Variants in TMED7 observed in about 807,000 individuals in gnomAD.
TMED7 encodes transmembrane p24 trafficking protein 7, also known as transmembrane emp24 domain-containing protein 7.
Under a neutral mutation model 23.4 loss-of-function variants are expected in TMED7, and 8 were observed. That is an observed-to-expected ratio of 0.34 (90% CI 0.20 to 0.62). The LOEUF (loss-of-function observed/expected upper bound fraction) is 0.62, where lower values mean the gene tolerates loss of function less well. TMED7 is among the 20% of genes least tolerant of loss of function. The pLI is 0.77. For synonymous variants in TMED7, 121 were observed against 108.5 expected (o/e 1.12, Z -0.72); for missense variants, 232 against 279.1 (o/e 0.83, Z 1.20).
At position 115,625,643 on chromosome 5, in the gene TMED7, G is replaced by C; in HGVS notation, c.150C>G (p.Tyr50Ter). 1 of 1,601,240 alleles carries C rather than the reference G, an allele frequency of 6.2e-7. No individual in the cohort carries two copies. Among genetic ancestry groups the C allele is most frequent in the Non-Finnish European group, 8.5e-7 (1 of 1,174,472 alleles). ...ELPDNAKQCF[Y>*]EDIAQGTKCT... ...ACTTGGTGCCCTGAGCGATGTCCTCGTAGAAGCACTGCTTGGCGTTGTCAG... is the reference window on the plus strand; with the variant it reads ...ACTTGGTGCCCTGAGCGATGTCCTCCTAGAAGCACTGCTTGGCGTTGTCAG... Residue 50 changes from tyrosine to a stop codon, truncating the protein, a stop_gained, in exon 1 of 3, where the codon TAC becomes TAG. Coordinates refer to ENST00000456936, the MANE Select transcript of TMED7 (RefSeq NM_181836.6). LOFTEE classifies it high-confidence loss of function.
At chr5:115,621,218 C>G (rs1757018047) in intron 1 of TMED7, among the ~76,000 whole-genome samples, 1 of 152,162 alleles carries the variant, frequency 6.6e-6, no homozygotes, top group Admixed American at 6.5e-5. Flanking sequence ...ATTCATACTT[C>G]TATCATAGAA....
At chr5:115,620,909 T>C (rs919616142) in intron 1 of TMED7, among the ~76,000 whole-genome samples, 1 of 152,166 alleles carries the variant, frequency 6.6e-6, no homozygotes, top group Non-Finnish European at 1.5e-5. Context: ...CAGACAACTG[T>C]GCTAATTAAT....
intron 1 of TMED7, among the ~76,000 whole-genome samples, chr5:115,621,598 A>C (rs1023334571): frequency 6.6e-6 from 1 of 152,226 alleles, no homozygotes; most frequent in African/African-American, 2.4e-5. Flanking sequence ...TTAATCAGTT[A>C]CAATTCCAGC....
intron 1 of TMED7, among the ~76,000 whole-genome samples, chr5:115,624,497 G>A (rs1467375812): frequency 1.3e-5 from 2 of 152,140 alleles, no homozygotes; most frequent in Non-Finnish European, 2.9e-5. Context: ...ACCTGCACAA[G>A]TTATTATTAA....
intron 2 of TMED7, 29 bp from the exon 3 acceptor site, chr5:115,616,474 T>C (rs1756751895): frequency 3.1e-6 from 5 of 1,613,592 alleles, no homozygotes; most frequent in Non-Finnish European, 4.2e-6. Flanking sequence ...AGTCAGTATG[T>C]GTGATACTTT....
intron 1 of TMED7, among the ~76,000 whole-genome samples, chr5:115,624,028 A>G (rs189342119): frequency 2.6e-4 from 40 of 152,330 alleles, no homozygotes; most frequent in African/African-American, 8.7e-4. Flanking sequence ...ACAATTTCAT[A>G]TCGGGCTTTC....
intron 1 of TMED7, among the ~76,000 whole-genome samples, chr5:115,621,948 T>C (rs1757044731): frequency 6.6e-6 from 1 of 152,214 alleles, no homozygotes; most frequent in Non-Finnish European, 1.5e-5. Context: ...TAATGAACTA[T>C]GTTACATATC....
intron 2 of TMED7, 83 bp downstream of exon 2, chr5:115,620,352 C>T: frequency 1.5e-6 from 2 of 1,346,700 alleles, no homozygotes; most frequent in Non-Finnish European, 9.6e-7. Flanking sequence ...ATTCCATGCT[C>T]ATCAGTTAGT....
In TMED7 at chr5:115,620,612, T is replaced by G; in HGVS notation, c.261A>C (p.Lys87Asn). Residue 87 changes from lysine (K) to asparagine (N), a missense_variant, in exon 2 of 3, where the codon AAA becomes AAC. Lys to Asn is a moderately conservative substitution (Grantham distance 94). This residue lies in a region of TMED7 where 126 missense variants were observed against 182.1 expected (regional missense o/e 0.69). Transcript: ENST00000456936. ...LEDPDGKVLYKEMKKQYDSFT... is the reference protein window; with the variant it reads ...LEDPDGKVLYNEMKKQYDSFT... The stretch of plus-strand genomic sequence containing the variant: ...AACTATCATACTGTTTCTTCATCTC[T>G]TTGTATAACACTTTACCATCAGGAT... 1 of 1,599,972 alleles carries G rather than the reference T, an allele frequency of 6.3e-7. No homozygotes were observed. The highest frequency in any genetic ancestry group is 8.5e-7 in the Non-Finnish European group (1 of 1,174,258).
chr5:115,618,527 T>C (rs1420581932), intron 2 of TMED7, among the ~76,000 whole-genome samples: 2 of 152,170 alleles, frequency 1.3e-5, no homozygotes, highest in African/African-American at 4.8e-5. Context: ...TCAACCCCTA[T>C]CCTGTGGCAT....
At chr5:115,621,291 G>C (rs990443144) in intron 1 of TMED7, among the ~76,000 whole-genome samples, 2 of 152,124 alleles carry the variant, frequency 1.3e-5, no homozygotes, top group African/African-American at 4.8e-5. Flanking sequence ...TTTATAGTCA[G>C]TTATATGGAA....
chr5:115,617,618 C>T (rs1756829308), intron 2 of TMED7, among the ~76,000 whole-genome samples: 1 of 152,074 alleles, frequency 6.6e-6, no homozygotes, highest in Non-Finnish European at 1.5e-5. Context: ...TCTCTATATT[C>T]TCAAAATGGC....
At chr5:115,622,821 C>T (rs1757079090) in intron 1 of TMED7, among the ~76,000 whole-genome samples, 1 of 152,206 alleles carries the variant, frequency 6.6e-6, no homozygotes, top group African/African-American at 2.4e-5. Flanking sequence ...CACCCTTACT[C>T]GTTCTATGTT....
Position 115,625,879 on chromosome 5 carries a change from C to G in TMED7, c.-87G>C. The G allele has an allele frequency of 7.6e-7, 1 of 1,320,108 alleles. No homozygotes were observed. Among genetic ancestry groups the G allele is most frequent in the Non-Finnish European group, 9.6e-7 (1 of 1,041,294 alleles). The allele number at this position is 1,320,108 out of a possible 1,614,324, so 81.8% of individuals were successfully genotyped here. On this transcript the variant is annotated 5_prime_UTR_variant, in exon 1 of 3. Coordinates refer to ENST00000456936, the MANE Select transcript of TMED7 (RefSeq NM_181836.6). The stretch of plus-strand genomic sequence containing the variant: ...TCACCGCGCGCGGCAGGCCTCAGCG[C>G]AGGCCACCCCGCAAAGATACACAGC...
At chr5:115,616,613 T>TG (rs1187840853) in intron 2 of TMED7, 168 bp from the exon 3 acceptor site, 2 of 1,003,562 alleles carry the variant, frequency 2.0e-6, no homozygotes, top group Admixed American at 2.7e-5. Context: ...GAAACCCCCC[T>TG]GCTCATTTTC....
intron 2 of TMED7, among the ~76,000 whole-genome samples, chr5:115,619,745 G>C (rs1346249213): frequency 2.0e-5 from 3 of 152,060 alleles, no homozygotes; most frequent in African/African-American, 7.2e-5. Context: ...TGTGTCATCA[G>C]GTTGGAGCTA....
intron 2 of TMED7, 147 bp from the exon 3 acceptor site, chr5:115,616,592 G>T: frequency 8.3e-7 from 1 of 1,210,116 alleles, no homozygotes. Flanking sequence ...TATGCCAGTT[G>T]TCTTTGCAAT....
intron 1 of TMED7, among the ~76,000 whole-genome samples, 154 bp downstream of exon 1, chr5:115,625,447 A>G (rs1158075113): frequency 1.3e-5 from 2 of 152,220 alleles, no homozygotes; most frequent in Non-Finnish European, 2.9e-5. Context: ...GGTTTATTAG[A>G]GGAAAGTCAA....
At chr5:115,620,266 T>G in intron 2 of TMED7, 169 bp downstream of exon 2, 1 of 933,174 alleles carries the variant, frequency 1.1e-6, no homozygotes, top group South Asian at 4.9e-5. Flanking sequence ...TATTTTTCAC[T>G]ACAAAAGTCT....
Sources: gnomAD v4.1 joint callset for allele counts (sites outside exome capture counted in the v4.1 genomes callset) on GRCh38, gnomAD v4.1.1 for gene constraint, gnomAD v4.1.1 regional missense constraint, MANE v1.5 for transcripts, NCBI Gene and HGNC (gene_info 2026-07-23, HGNC 2026-07-21) for gene names.